CUL5: variants seen among roughly 807,000 people sequenced by gnomAD.
CUL5 encodes the protein cullin-5.
Under a neutral mutation model 108.8 loss-of-function variants are expected in CUL5, and 26 were observed. The observed-to-expected ratio is 0.24, with a 90% CI of 0.18 to 0.33. The LOEUF (loss-of-function observed/expected upper bound fraction) is 0.33. Among genes scored for constraint, CUL5 ranks in the 10% least tolerant of loss-of-function variants. CUL5 has a pLI of 1.00. For synonymous variants in CUL5, 334 were observed against 298.0 expected, an observed-to-expected ratio of 1.12 and a Z score of -1.25; for missense variants, 524 against 909.2, an observed-to-expected ratio of 0.58 and a Z score of 5.45.
chr11:108,042,002 A>T (rs1487505467), intron 2 of CUL5, among the ~76,000 whole-genome samples: 1 of 152,202 alleles, frequency 6.6e-6, no homozygotes, highest in African/African-American at 2.4e-5. Context: ...TAAATAAAAG[A>T]TGATGGGGAC....
intron 1 of CUL5, among the ~76,000 whole-genome samples, chr11:108,010,220 G>A (rs1862029237): frequency 6.6e-6 from 1 of 152,262 alleles, no homozygotes; most frequent in African/African-American, 2.4e-5. Context: ...AATGGGGGTA[G>A]TGAATAGCTC....
chr11:108,033,797 T>TC lies in CUL5; in HGVS notation c.25-4dup, dbSNP rs775387877. 91 of 1,541,474 alleles carry TC rather than the reference T, an allele frequency of 5.9e-5. No individual in the cohort carries two copies. Among genetic ancestry groups the TC allele is most frequent in the East Asian group, 6.7e-5 (3 of 44,574 alleles). On this transcript the variant is annotated splice_polypyrimidine_tract_variant and splice_region_variant and intron_variant, in intron 1 of 18. Coordinates refer to ENST00000393094, the MANE Select transcript of CUL5 (RefSeq NM_003478.6). ...AAACTCCCTTTTATCTTTTTTTTTT[T>TC]CAAGAATAAAGGTTCTCTTCAGTTT...
intron 1 of CUL5, among the ~76,000 whole-genome samples, chr11:108,012,309 C>T (rs948596984): frequency 6.6e-6 from 1 of 152,074 alleles, no homozygotes; most frequent in Non-Finnish European, 1.5e-5. Flanking sequence ...ATTGTTTAAA[C>T]CTTTTCTTGC....
intron 8 of CUL5, among the ~76,000 whole-genome samples, chr11:108,071,421 C>T (rs929696741): frequency 1.4e-4 from 21 of 152,058 alleles, no homozygotes; most frequent in African/African-American, 4.6e-4. Flanking sequence ...TACCACCATG[C>T]CTGGCTAATT....
intron 2 of CUL5, among the ~76,000 whole-genome samples, chr11:108,036,466 C>G (rs1369917148): frequency 1.3e-5 from 2 of 152,120 alleles, no homozygotes; most frequent in South Asian, 2.1e-4. Context: ...TTCAACCCCC[C>G]ACTTTACTTT....
At chr11:108,028,371 C>T (rs1356065902) in intron 1 of CUL5, among the ~76,000 whole-genome samples, 3 of 152,134 alleles carry the variant, frequency 2.0e-5, no homozygotes, top group East Asian at 1.9e-4. Flanking sequence ...CCTGTTAGTA[C>T]CACCTTTTGG....
intron 7 of CUL5, among the ~76,000 whole-genome samples, chr11:108,065,035 T>C (rs952879068): frequency 2.0e-5 from 3 of 151,180 alleles, no homozygotes; most frequent in African/African-American, 7.3e-5. Flanking sequence ...AATTAATTAA[T>C]TTTTTTTTGA....
At chr11:108,077,702 TG>T (rs1335682141) in intron 10 of CUL5, among the ~76,000 whole-genome samples, 1 of 151,804 alleles carries the variant, frequency 6.6e-6, no homozygotes, top group Non-Finnish European at 1.5e-5. Flanking sequence ...CCCAGCACTT[TG>T]GGAGACCAAG....
intron 2 of CUL5, among the ~76,000 whole-genome samples, chr11:108,037,524 AGTGT>A (rs946182521): frequency 6.6e-6 from 1 of 152,224 alleles, no homozygotes; most frequent in African/African-American, 2.4e-5. Context: ...AAAGGGAAAA[AGTGT>A]GTGTGGCAAA....
chr11:108,095,526 A>G lies in CUL5; in HGVS notation c.1744-4A>G. 1.3e-6 allele frequency: 2 copies of G among 1,573,054 alleles called. No individual in the cohort carries two copies. Among genetic ancestry groups the G allele is most frequent in the African/African-American group, 1.4e-5 (1 of 73,706 alleles). On this transcript the variant is annotated splice_region_variant and splice_polypyrimidine_tract_variant and intron_variant, in intron 15 of 18. Coordinates refer to ENST00000393094, the MANE Select transcript of CUL5 (RefSeq NM_003478.6). Reference sequence around the variant, plus strand: ...TTATTAAAAATCTGTTTTATCTATTATAGATAACATTTAAGAATGAAGTTG... The same window carrying G: ...TTATTAAAAATCTGTTTTATCTATTGTAGATAACATTTAAGAATGAAGTTG...
At chr11:108,091,614 G>A (rs1056792608) in intron 13 of CUL5, among the ~76,000 whole-genome samples, 7 of 147,520 alleles carry the variant, frequency 4.7e-5, no homozygotes, top group African/African-American at 1.8e-4. Context: ...GCCTGAGCCT[G>A]TGAGGTGGAG....
Position 108,105,204 on chromosome 11 carries a change from CAT to C in CUL5, c.*823_*824del, listed in dbSNP as rs1462258074. 1 of 151,832 alleles carries C rather than the reference CAT, an allele frequency of 6.6e-6. No homozygotes were observed. The highest frequency in any genetic ancestry group is 1.5e-5 in the Non-Finnish European group (1 of 67,924). 9.4% of individuals were successfully genotyped at this position (151,832 alleles called of 1,614,324 possible). Reference sequence around the variant, plus strand: ...TGCAGAGCCAAAATAGCAAAACAAACATATTAAGTGTGTTTACTAAACATATT... The same window carrying C: ...TGCAGAGCCAAAATAGCAAAACAAACATTAAGTGTGTTTACTAAACATATT... On this transcript the variant is annotated 3_prime_UTR_variant, in exon 19 of 19. Coordinates refer to ENST00000393094, the MANE Select transcript of CUL5 (RefSeq NM_003478.6).
intron 1 of CUL5, among the ~76,000 whole-genome samples, chr11:108,013,999 T>A (rs1056673107): frequency 6.6e-6 from 1 of 152,214 alleles, no homozygotes. Context: ...TGTAGAACAA[T>A]GTCCATGCTC....
At chr11:108,063,262 T>A (rs1863588927) in intron 7 of CUL5, among the ~76,000 whole-genome samples, 2 of 152,338 alleles carry the variant, frequency 1.3e-5, no homozygotes, top group East Asian at 3.9e-4. Context: ...TTCAATTGTT[T>A]TAATTTTTAG....
At chr11:108,061,489 T>A (rs1863532276) in intron 7 of CUL5, among the ~76,000 whole-genome samples, 1 of 152,228 alleles carries the variant, frequency 6.6e-6, no homozygotes, top group Non-Finnish European at 1.5e-5. Flanking sequence ...ATGAAAGTTT[T>A]AAAATATTTA....
chr11:108,022,724 G>GA (rs1862356448), intron 1 of CUL5, among the ~76,000 whole-genome samples: 1 of 152,144 alleles, frequency 6.6e-6, no homozygotes, highest in East Asian at 1.9e-4. Context: ...ATTTAGGCCT[G>GA]AAGCCTTAGC....
At chr11:108,062,497 TAATG>T (rs1361437844) in intron 7 of CUL5, among the ~76,000 whole-genome samples, 3 of 149,636 alleles carry the variant, frequency 2.0e-5, no homozygotes, top group South Asian at 2.1e-4. Flanking sequence ...ATTTAAAAAT[TAATG>T]AATATTAATA....
At chr11:108,022,458 T>C (rs1862349896) in intron 1 of CUL5, among the ~76,000 whole-genome samples, 2 of 152,196 alleles carry the variant, frequency 1.3e-5, no homozygotes, top group South Asian at 4.1e-4. Context: ...AAAGTGGGAT[T>C]GTTACAGATA....
intron 3 of CUL5, among the ~76,000 whole-genome samples, chr11:108,047,872 A>G (rs1468683183): frequency 6.6e-6 from 1 of 152,218 alleles, no homozygotes; most frequent in Non-Finnish European, 1.5e-5. Flanking sequence ...GTTTCTGGAA[A>G]TAAACTTATG....
Sources: gnomAD v4.1 joint callset for allele counts (sites outside exome capture counted in the v4.1 genomes callset) on GRCh38, gnomAD v4.1.1 for gene constraint, MANE v1.5 for transcripts, NCBI Gene and HGNC (gene_info 2026-07-23, HGNC 2026-07-21) for gene names.